Variants in MAP4K5 observed in about 807,000 individuals in gnomAD.
MAP4K5 encodes MAPK/ERK kinase kinase kinase 5.
A neutral mutation model predicts 135.6 loss-of-function variants in MAP4K5; 82 were observed. That is an observed-to-expected ratio of 0.60 (90% CI 0.51 to 0.73). The LOEUF is 0.73. Ranked by LOEUF, MAP4K5 falls within the 30% of genes least tolerant of loss-of-function variation. MAP4K5 has a pLI of 0.00. For synonymous variants in MAP4K5, 347 were observed against 335.0 expected, an observed-to-expected ratio of 1.04 and a Z score of -0.39; for missense variants, 907 against 1,010.9, an observed-to-expected ratio of 0.90 and a Z score of 1.39.
intron 8 of MAP4K5, 47 bp downstream of exon 8, chr14:50,476,081 T>TG: frequency 2.0e-6 from 2 of 987,432 alleles, no homozygotes; most frequent in Non-Finnish European, 2.9e-6. Flanking sequence ...TTTATTAAAA[T>TG]GTCATTAAAT....
At chr14:50,540,084 G>A (rs1162642646) in intron 2 of MAP4K5, among the ~76,000 whole-genome samples, 1 of 152,192 alleles carries the variant, frequency 6.6e-6, no homozygotes, top group Non-Finnish European at 1.5e-5. Context: ...GATGATGATT[G>A]GGAGCCCACA....
intron 28 of MAP4K5, 81 bp from the exon 29 acceptor site, chr14:50,429,341 T>C: frequency 1.2e-6 from 1 of 824,452 alleles, no homozygotes. Context: ...TGACTTTTGC[T>C]GTGACTTAAA....
intron 10 of MAP4K5, among the ~76,000 whole-genome samples, 190 bp from the exon 11 acceptor site, chr14:50,466,835 A>G (rs2036844531): frequency 6.6e-6 from 1 of 152,200 alleles, no homozygotes; most frequent in South Asian, 2.1e-4. Context: ...ACTACAGAGA[A>G]GATTTTTAAA....
rs189882909 is a variant in MAP4K5, at chr14:50,433,148, T to C, written c.2164+1246A>G. ...CACTGTGCCCAGCCTGGGGAAATAT[T>C]TCTATTTGGGCAGTTTATATCTCAC... On this transcript the variant is annotated intron_variant, in intron 28 of 32. Transcript: ENST00000682126. 5.9e-5 allele frequency among the ~76,000 whole-genome samples: 9 copies of C among 152,292 alleles called. No homozygotes were observed. In the South Asian group the frequency reaches 8.3e-4, roughly 14 times the overall value.
chr14:50,552,121 T>C (rs1262246493), intron 1 of MAP4K5, among the ~76,000 whole-genome samples: 1 of 152,160 alleles, frequency 6.6e-6, no homozygotes, highest in Admixed American at 6.5e-5. Flanking sequence ...CCCTAAAGAC[T>C]CATCCAAAAA....
At chr14:50,483,182 A>G (rs2037289763) in intron 5 of MAP4K5, 2 of 152,254 alleles carry the variant, frequency 1.3e-5, no homozygotes, top group Admixed American at 6.5e-5. Context: ...TTTCTTTAGT[A>G]TAATTCTTTA....
At chr14:50,474,390 G>GAA (rs765442446) in intron 9 of MAP4K5, among the ~76,000 whole-genome samples, 13 of 130,254 alleles carry the variant, frequency 1.0e-4, no homozygotes, top group East Asian at 8.8e-4. Flanking sequence ...CCCTGTCTCA[G>GAA]AAAAAAAAAA....
chr14:50,425,901 G>T lies in MAP4K5; in HGVS notation c.2397+6C>A. On this transcript the variant is annotated splice_donor_region_variant and intron_variant, in intron 31 of 32. Coordinates refer to ENST00000682126, the MANE Select transcript of MAP4K5 (RefSeq NM_006575.6). ...GAGTCAGTGGAGGTAATCTGAGAAG[G>T]CTTACCTCATCTGACTTGAAGCTTT... 1 of 1,606,742 alleles carries T rather than the reference G, an allele frequency of 6.2e-7. No homozygotes were observed. Among genetic ancestry groups the T allele is most frequent in the Non-Finnish European group, 8.5e-7 (1 of 1,174,726 alleles).
At chr14:50,444,594 A>G (rs1412285167) in intron 18 of MAP4K5, among the ~76,000 whole-genome samples, 1 of 152,114 alleles carries the variant, frequency 6.6e-6, no homozygotes, top group Admixed American at 6.5e-5. Context: ...ACAGAAAAAA[A>G]AAATCCTGCA....
rs1413960737 is a variant in MAP4K5 at position 50,447,427 on chromosome 14, C to T, written c.1129G>A (p.Ala377Thr). ...MLQWNPFVDG[A>T]NTGKSTSKRA... Reference sequence around the variant, plus strand: ...AAAACAACTTACTTGCCAGTATTTGCACCATCAACAAAAGGATTCCACTGT... The same window carrying T: ...AAAACAACTTACTTGCCAGTATTTGTACCATCAACAAAAGGATTCCACTGT... Residue 377 changes from alanine to threonine, a missense_variant, in exon 16 of 33, where the codon GCA becomes ACA. Around this residue, in one of 3 missense-constraint regions of MAP4K5, gnomAD observed 690 missense variants for 777.4 expected, o/e 0.89. Coordinates refer to ENST00000682126, the MANE Select transcript of MAP4K5 (RefSeq NM_006575.6). 3 of 1,548,138 alleles carry T rather than the reference C, an allele frequency of 1.9e-6. No individual in the cohort carries two copies. Among genetic ancestry groups the T allele is most frequent in the Non-Finnish European group, 2.6e-6 (3 of 1,144,032 alleles).
intron 32 of MAP4K5, 128 bp from the exon 33 acceptor site, chr14:50,420,234 C>G: frequency 1.5e-6 from 1 of 657,896 alleles, no homozygotes; most frequent in Non-Finnish European, 2.8e-6. Flanking sequence ...CACAGACGCA[C>G]AATCAAATTC....
intron 32 of MAP4K5, among the ~76,000 whole-genome samples, chr14:50,420,492 T>C (rs2035701604): frequency 6.6e-6 from 1 of 151,586 alleles, no homozygotes; most frequent in Non-Finnish European, 1.5e-5. Context: ...ATTAGCTGGG[T>C]GTGGAAGCCT....
In MAP4K5 at chr14:50,428,648, A is replaced by G; in HGVS notation, c.2326+14T>C. The G allele has an allele frequency of 7.0e-7, 1 of 1,433,292 alleles. No individual in the cohort carries two copies. Among genetic ancestry groups the G allele is most frequent in the Non-Finnish European group, 9.4e-7 (1 of 1,067,066 alleles). The allele number at this position is 1,433,292 out of a possible 1,614,324, so 88.8% of individuals were successfully genotyped here. Reference sequence around the variant, plus strand: ...AAGTATCGCAAACTGATTTATGAAAAAAAGGAAACTTACCTACAGATTCAA... The same window carrying G: ...AAGTATCGCAAACTGATTTATGAAAGAAAGGAAACTTACCTACAGATTCAA... On this transcript the variant is annotated intron_variant, in intron 30 of 32. Coordinates refer to ENST00000682126, the MANE Select transcript of MAP4K5 (RefSeq NM_006575.6).
chr14:50,529,003 T>C (rs1364098743), intron 2 of MAP4K5, among the ~76,000 whole-genome samples: 1 of 152,170 alleles, frequency 6.6e-6, no homozygotes, highest in Non-Finnish European at 1.5e-5. Context: ...GTGGATATAC[T>C]ATAAAATAGT....
intron 1 of MAP4K5, among the ~76,000 whole-genome samples, chr14:50,546,211 A>G (rs965716973): frequency 6.6e-6 from 1 of 152,236 alleles, no homozygotes; most frequent in Non-Finnish European, 1.5e-5. Context: ...ATTTTTGTCC[A>G]CAGCCTTCAC....
In MAP4K5 at chr14:50,475,076, C is replaced by T. The variant is rs1460196141; in HGVS notation, c.542+1G>A. On this transcript the variant is annotated splice_donor_variant, in intron 9 of 32. Transcript: ENST00000682126. LOFTEE classifies it high-confidence loss of function. ...CAAATTCAATCACAGTAATGTCTTA[C>T]CAGTAAGGGGTGCCAATGAAAGATT... 3 of 1,611,680 alleles carry T rather than the reference C, an allele frequency of 1.9e-6. No homozygotes were observed. Among genetic ancestry groups the T allele is most frequent in the Non-Finnish European group, 2.5e-6 (3 of 1,177,970 alleles).
chr14:50,523,120 T>A (rs1024921347), intron 2 of MAP4K5, among the ~76,000 whole-genome samples: 14 of 152,116 alleles, frequency 9.2e-5, no homozygotes, highest in Non-Finnish European at 1.8e-4. Context: ...GAGACCAGCC[T>A]GACCAACATG....
intron 28 of MAP4K5, among the ~76,000 whole-genome samples, chr14:50,430,279 C>A (rs573070362): frequency 1.3e-5 from 2 of 152,220 alleles, no homozygotes; most frequent in Non-Finnish European, 2.9e-5. Flanking sequence ...GTTAAACATG[C>A]CCAACTACAT....
At chr14:50,421,894 CTTTT>C (rs11299785) in intron 32 of MAP4K5, among the ~76,000 whole-genome samples, 4 of 139,556 alleles carry the variant, frequency 2.9e-5, no homozygotes, top group Admixed American at 7.1e-5. Context: ...ATCCACAATT[CTTTT>C]TTTTTTTTTT....
Sources: gnomAD v4.1 joint callset for allele counts (sites outside exome capture counted in the v4.1 genomes callset) on GRCh38, gnomAD v4.1.1 for gene constraint, gnomAD v4.1.1 regional missense constraint, MANE v1.5 for transcripts, NCBI Gene and HGNC (gene_info 2026-07-23, HGNC 2026-07-21) for gene names.